The following SUPT20H variants were observed in gnomAD, a reference collection of about 807,000 sequenced individuals.
SUPT20H encodes the protein SPT20 homolog, SAGA complex component.
SUPT20H carries 82 observed loss-of-function variants against 122.8 expected under a neutral mutation model. That is an observed-to-expected ratio of 0.67 (90% CI 0.56 to 0.80). The LOEUF is 0.80. Ranked by LOEUF, SUPT20H falls within the 30% of genes least tolerant of loss-of-function variation. SUPT20H has a pLI of 0.00. For synonymous variants in SUPT20H, 291 were observed against 313.0 expected, an observed-to-expected ratio of 0.93 and a Z score of 0.74; for missense variants, 831 against 921.6, an observed-to-expected ratio of 0.90 and a Z score of 1.27.
chr13:37,025,718 C>G (rs895897934), intron 16 of SUPT20H: 11 of 303,706 alleles, frequency 3.6e-5, no homozygotes, highest in Non-Finnish European at 5.5e-5. Flanking sequence ...AAGTAATAAG[C>G]AGCCAAAGAA....
At position 37,011,979 on chromosome 13, in the gene SUPT20H, C is replaced by A. The variant is rs149273926; in HGVS notation, c.2098+213G>T. Among the ~76,000 whole-genome samples the A allele has an allele frequency of 3.0e-3, 452 of 152,202 alleles. 5 individuals are homozygous for A. Among genetic ancestry groups the A allele is most frequent in the African/African-American group, 0.01 (428 of 41,532 alleles). ...AGTAAACTGTAACAAGGAAACACAA[C>A]TGTGGTAATTATGTTAAGTCAAAGC... On this transcript the variant is annotated intron_variant, in intron 24 of 25. Transcript: ENST00000350612.
At chr13:37,018,763 C>T (rs1038038355) in intron 22 of SUPT20H, among the ~76,000 whole-genome samples, 1 of 152,072 alleles carries the variant, frequency 6.6e-6, no homozygotes, top group Non-Finnish European at 1.5e-5. Flanking sequence ...CTCAAGTGAT[C>T]CTCCGACCTC....
chr13:37,016,340 G>A (rs924281137), intron 23 of SUPT20H, among the ~76,000 whole-genome samples: 2 of 151,628 alleles, frequency 1.3e-5, no homozygotes, highest in Non-Finnish European at 2.9e-5. Flanking sequence ...TGAGGCAGGA[G>A]AATCGCTTCA....
Position 37,023,975 on chromosome 13 carries a change from TAAG to T in SUPT20H, c.1591+57_1591+59del, listed in dbSNP as rs536988982. The stretch of plus-strand genomic sequence containing the variant: ...CTTCACAGGTTGAAAAAAGCTGTCT[TAAG>T]AAACACTAATGCAAAAGCTTATGAA... On this transcript the variant is annotated intron_variant, in intron 19 of 25. Coordinates refer to ENST00000350612, the MANE Select transcript of SUPT20H (RefSeq NM_001014286.3). The T allele has an allele frequency of 3.0e-3, 4,617 of 1,530,642 alleles. 18 individuals carry two copies. Among genetic ancestry groups the T allele is most frequent in the Non-Finnish European group, 3.5e-3 (3,973 of 1,137,770 alleles). The allele number at this position is 1,530,642 out of a possible 1,614,324, so 94.8% of individuals were successfully genotyped here. A position where few individuals can be genotyped will look rare whatever the true frequency, so the allele number is the denominator to read the frequency against.
Position 37,031,605 on chromosome 13 carries a change from G to T in SUPT20H, c.883C>A (p.Arg295=). 1 of 1,565,212 alleles carries T rather than the reference G, an allele frequency of 6.4e-7. No individual in the cohort carries two copies. The highest frequency in any genetic ancestry group is 8.6e-7 in the Non-Finnish European group (1 of 1,164,152). Residue 295 remains arginine (R), a synonymous_variant, in exon 12 of 26, where the codon CGG becomes AGG. Coordinates refer to ENST00000350612, the MANE Select transcript of SUPT20H (RefSeq NM_001014286.3). ...GGTATGGCCAAATTACAGGGACTCC[G>T]TTTCCACATATCTACACACTGAAAA... ...KAGNCVDMWK[R]SPCNLAIPSE...
chr13:37,019,165 G>A (rs776824724), intron 22 of SUPT20H, among the ~76,000 whole-genome samples, 177 bp downstream of exon 22: 12 of 152,140 alleles, frequency 7.9e-5, no homozygotes, highest in African/African-American at 1.2e-4. Flanking sequence ...TGGTATATAG[G>A]ATACTGATTC....
chr13:37,025,517 C>A, intron 16 of SUPT20H, 80 bp from the exon 17 acceptor site: 2 of 873,022 alleles, frequency 2.3e-6, no homozygotes, highest in Non-Finnish European at 3.6e-6. Context: ...AGAATAATGA[C>A]TATTAATGGC....
chr13:37,024,574 CA>C (rs746986373), intron 17 of SUPT20H, 132 bp from the exon 18 acceptor site: 49 of 570,806 alleles, frequency 8.6e-5, no homozygotes, highest in Non-Finnish European at 1.3e-4. Context: ...TTTAACTCTG[CA>C]AAGTGCTCTT....
chr13:37,011,288 AGTT>A (rs898871970), intron 24 of SUPT20H, among the ~76,000 whole-genome samples: 1 of 152,156 alleles, frequency 6.6e-6, no homozygotes, highest in Non-Finnish European at 1.5e-5. Flanking sequence ...TTCAGACTAG[AGTT>A]GTTTCCACTA....
In SUPT20H at chr13:37,010,666, G is replaced by A. The variant is rs760931824; in HGVS notation, c.2099-11C>T. 3 of 1,610,312 alleles carry A rather than the reference G, an allele frequency of 1.9e-6. No homozygotes were observed. In the Admixed American group the frequency reaches 5.0e-5, roughly 27 times the overall value. On this transcript the variant is annotated splice_polypyrimidine_tract_variant and intron_variant, in intron 24 of 25. Transcript: ENST00000350612. ...CAAGCTGAGACAACACTACAGAGAG[G>A]AGAAGGGGAAAGCAGGCCAGTCAAA...
chr13:37,029,207 A>G lies in SUPT20H; in HGVS notation c.993+558T>C, dbSNP rs2062853002. On this transcript the variant is annotated intron_variant, in intron 13 of 25. Coordinates refer to ENST00000350612, the MANE Select transcript of SUPT20H (RefSeq NM_001014286.3). ...AATCAGAACTACCAATACGCAAACCAAAAGTAAAAATGAAGTTCTTCATTA... is the reference window on the plus strand; with the variant it reads ...AATCAGAACTACCAATACGCAAACCGAAAGTAAAAATGAAGTTCTTCATTA... Among the ~76,000 whole-genome samples, 6 of 152,192 alleles carry G rather than the reference A, an allele frequency of 3.9e-5. No homozygotes were observed. The South Asian group carries it at 1.2e-3, about 31-fold the overall frequency.
intron 13 of SUPT20H, 87 bp from the exon 14 acceptor site, chr13:37,028,392 T>A: frequency 8.2e-7 from 1 of 1,214,642 alleles, no homozygotes; most frequent in Non-Finnish European, 1.2e-6. Flanking sequence ...AATGATACAG[T>A]AACATGTATC....
intron 12 of SUPT20H, among the ~76,000 whole-genome samples, chr13:37,030,412 T>C (rs1000111267): frequency 6.6e-6 from 1 of 152,206 alleles, no homozygotes; most frequent in African/African-American, 2.4e-5. Flanking sequence ...TAATTTAGAC[T>C]TACCTGGAGC....
chr13:37,040,161 A>T, intron 9 of SUPT20H: 1 of 371,334 alleles, frequency 2.7e-6, no homozygotes, highest in East Asian at 4.1e-5. Flanking sequence ...TAAAGAACTA[A>T]GTTTTATCTC....
At chr13:37,054,912 A>G (rs2068590747) in intron 1 of SUPT20H, among the ~76,000 whole-genome samples, 1 of 152,262 alleles carries the variant, frequency 6.6e-6, no homozygotes, top group Non-Finnish European at 1.5e-5. Context: ...AGGCAACTTC[A>G]GCAAAGTCTC....
At chr13:37,031,502 T>A in intron 12 of SUPT20H, 65 bp downstream of exon 12, 1 of 1,100,702 alleles carries the variant, frequency 9.1e-7, no homozygotes, top group Non-Finnish European at 1.3e-6. Context: ...TCTCAAGGTA[T>A]AAGCAACCGA....
intron 6 of SUPT20H, 113 bp from the exon 7 acceptor site, chr13:37,044,294 C>T: frequency 2.8e-6 from 2 of 711,430 alleles, no homozygotes; most frequent in Non-Finnish European, 4.3e-6. Context: ...GCATTTCAAC[C>T]AAGCAAGGAT....
chr13:37,040,825 T>G, intron 7 of SUPT20H, 133 bp from the exon 8 acceptor site: 1 of 639,860 alleles, frequency 1.6e-6, no homozygotes. Context: ...CTTCAGTAGA[T>G]TTCCTTGGTA....
chr13:37,048,052 A>G, intron 3 of SUPT20H, 116 bp from the exon 4 acceptor site: 1 of 616,576 alleles, frequency 1.6e-6, no homozygotes, highest in Non-Finnish European at 2.5e-6. Flanking sequence ...TAACTCTCTG[A>G]ATTACATCTT....
Sources: allele counts gnomAD v4.1 joint callset (sites outside exome capture counted in the v4.1 genomes callset), GRCh38; gene constraint gnomAD v4.1.1; transcripts MANE v1.5; gene names NCBI Gene and HGNC (gene_info 2026-07-23, HGNC 2026-07-21).